The following STRBP variants were observed in gnomAD, a reference collection of about 807,000 sequenced individuals.
STRBP encodes spermatid perinuclear RNA-binding protein.
A neutral mutation model predicts 80.1 loss-of-function variants in STRBP; 13 were observed. That is an observed-to-expected ratio of 0.16 (90% CI 0.11 to 0.26). STRBP has a LOEUF of 0.26. Among genes scored for constraint, STRBP ranks in the 10% least tolerant of loss-of-function variants. STRBP has a pLI of 1.00. For synonymous variants in STRBP, 284 were observed against 291.2 expected (o/e 0.98, Z 0.25); for missense variants, 485 against 815.2 (o/e 0.59, Z 4.93).
chr9:123,220,715 G>A (rs2132554109), intron 2 of STRBP, among the ~76,000 whole-genome samples: 1 of 152,236 alleles, frequency 6.6e-6, no homozygotes, highest in Non-Finnish European at 1.5e-5. Flanking sequence ...CCACTAACAG[G>A]ACTGTATAAC....
At chr9:123,259,078 G>A (rs1177094256) in intron 1 of STRBP, among the ~76,000 whole-genome samples, 3 of 150,266 alleles carry the variant, frequency 2.0e-5, no homozygotes, top group African/African-American at 4.9e-5. Flanking sequence ...AAAAAAAAGG[G>A]GGGGGGATTA....
chr9:123,263,603 C>G (rs901016544), intron 1 of STRBP, among the ~76,000 whole-genome samples: 4 of 151,376 alleles, frequency 2.6e-5, no homozygotes, highest in Non-Finnish European at 5.9e-5. Context: ...CTGGAAGGCT[C>G]TTTACAACTT....
At chr9:123,258,982 G>A (rs751997660) in intron 1 of STRBP, among the ~76,000 whole-genome samples, 5 of 146,704 alleles carry the variant, frequency 3.4e-5, no homozygotes, top group Admixed American at 1.4e-4. Flanking sequence ...GTTTTGACCA[G>A]AGAAGACAAA....
chr9:123,199,079 G>A, intron 2 of STRBP, among the ~76,000 whole-genome samples: 1 of 152,158 alleles, frequency 6.6e-6, no homozygotes, highest in Non-Finnish European at 1.5e-5. Context: ...CGAGTAGCTG[G>A]GACTACAGGC....
chr9:123,187,953 TAC>T (rs35743314), intron 2 of STRBP, among the ~76,000 whole-genome samples: 45,949 of 151,808 alleles, frequency 0.3, 10,119 homozygotes, highest in East Asian at 0.7. Flanking sequence ...CATTCACCAT[TAC>T]AGTATCATAC....
chr9:123,136,293 C>A lies in STRBP; in HGVS notation c.1632+88G>T. ...CAAAAATCAAATAGTGCCACAAGAA[C>A]TGACTCAGTCTAAAACTTTACATTA... On this transcript the variant is annotated intron_variant, in intron 15 of 18. Transcript: ENST00000348403. This position sits in a 1 kb window ranked among gnomAD's most constrained non-coding sequence, Gnocchi z 4.2. The A allele has an allele frequency of 6.3e-7, 1 of 1,595,912 alleles. No homozygotes were observed.
Position 123,122,890 on chromosome 9 carries a change from G to C in STRBP, c.*2707C>G. The stretch of plus-strand genomic sequence containing the variant: ...TGTAAACTCCCTGACAAGAAACTAT[G>C]CTAAAAAGGGGTTAAGTACAGATAT... On this transcript the variant is annotated 3_prime_UTR_variant, in exon 19 of 19. Coordinates refer to ENST00000348403, the MANE Select transcript of STRBP (RefSeq NM_018387.5). 1.2e-5 allele frequency: 12 copies of C among 985,524 alleles called. No homozygotes were observed. Among genetic ancestry groups the C allele is most frequent in the Non-Finnish European group, 1.4e-5 (12 of 829,996 alleles). 61.0% of individuals were successfully genotyped at this position (985,524 alleles called of 1,614,324 possible). A position where few individuals can be genotyped will look rare whatever the true frequency, so the allele number is the denominator to read the frequency against.
At chr9:123,175,530 A>C (rs992757465) in intron 4 of STRBP, among the ~76,000 whole-genome samples, 2 of 152,208 alleles carry the variant, frequency 1.3e-5, no homozygotes, top group African/African-American at 2.4e-5. Context: ...ATCAATGAAA[A>C]ATGTTAAAGG....
chr9:123,123,423 AC>A lies in STRBP; in HGVS notation c.*2173del. ...TGAACTTGCATGGTTACCACTTCTA[AC>A]AAAGGACTGACAGCTCGATTATTTT... On this transcript the variant is annotated 3_prime_UTR_variant, in exon 19 of 19. Transcript: ENST00000348403. The A allele has an allele frequency of 1.0e-6, 1 of 985,420 alleles. No homozygotes were observed. Among genetic ancestry groups the A allele is most frequent in the Non-Finnish European group, 1.2e-6 (1 of 829,934 alleles). The allele number at this position is 985,420 out of a possible 1,614,324, so 61.0% of individuals were successfully genotyped here. A position where few individuals can be genotyped will look rare whatever the true frequency, so the allele number is the denominator to read the frequency against.
intron 2 of STRBP, among the ~76,000 whole-genome samples, chr9:123,220,452 ATG>A (rs2132553546): frequency 6.6e-6 from 1 of 152,380 alleles, no homozygotes; most frequent in Admixed American, 6.5e-5. Flanking sequence ...CAGTAAAAAT[ATG>A]ATATAATCTC....
intron 2 of STRBP, among the ~76,000 whole-genome samples, chr9:123,233,702 TACATCTGC>T (rs2132585703): frequency 1.3e-5 from 2 of 152,346 alleles, no homozygotes; most frequent in South Asian, 4.1e-4. Flanking sequence ...GTAACAGCAA[TACATCTGC>T]ATTGATTTAC....
At chr9:123,239,511 T>C (rs971876374) in intron 1 of STRBP, among the ~76,000 whole-genome samples, 20 of 152,202 alleles carry the variant, frequency 1.3e-4, no homozygotes, top group Non-Finnish European at 2.9e-5. Context: ...CTGACCTCAT[T>C]TGTACCTGAT....
intron 4 of STRBP, among the ~76,000 whole-genome samples, chr9:123,174,705 A>C (rs563611125): frequency 6.6e-6 from 1 of 152,288 alleles, no homozygotes; most frequent in Admixed American, 6.5e-5. Context: ...AAAAGTATAG[A>C]GCTAAGGAAG....
chr9:123,204,588 A>T (rs1392251715), intron 2 of STRBP, among the ~76,000 whole-genome samples: 1 of 152,206 alleles, frequency 6.6e-6, no homozygotes, highest in Non-Finnish European at 1.5e-5. Flanking sequence ...AATTCTGACT[A>T]AAAGGAAAAA....
intron 11 of STRBP, among the ~76,000 whole-genome samples, chr9:123,148,426 A>C (rs1333162555): frequency 1.3e-5 from 2 of 152,216 alleles, no homozygotes; most frequent in African/African-American, 4.8e-5. Flanking sequence ...TACCCAGTCT[A>C]AGGTATTTTG....
intron 2 of STRBP, among the ~76,000 whole-genome samples, chr9:123,220,937 T>A (rs1428079208): frequency 6.6e-6 from 1 of 152,052 alleles, no homozygotes; most frequent in Non-Finnish European, 1.5e-5. Flanking sequence ...ATTATTTCCA[T>A]GACATCACGT....
chr9:123,228,116 G>A (rs1006720872), intron 2 of STRBP, among the ~76,000 whole-genome samples: 12 of 152,144 alleles, frequency 7.9e-5, no homozygotes, highest in East Asian at 1.9e-4. Context: ...TAACTCCATC[G>A]GTTTTGGCCT....
chr9:123,165,502 G>A (rs1005195125), intron 6 of STRBP, among the ~76,000 whole-genome samples: 1 of 152,114 alleles, frequency 6.6e-6, no homozygotes, highest in Admixed American at 6.5e-5. Flanking sequence ...GACAGTCCCT[G>A]AAAATCCACC....
At chr9:123,127,648 T>C (rs2035949052) in intron 18 of STRBP, among the ~76,000 whole-genome samples, 1 of 152,220 alleles carries the variant, frequency 6.6e-6, no homozygotes, top group Non-Finnish European at 1.5e-5. Flanking sequence ...TATTCTAGCA[T>C]GTACTACAGA....
Sources: gnomAD v4.1 joint callset for allele counts (sites outside exome capture counted in the v4.1 genomes callset) on GRCh38, gnomAD v4.1.1 for gene constraint, Gnocchi (gnomAD v3.1) non-coding constraint, MANE v1.5 for transcripts, NCBI Gene and HGNC (gene_info 2026-07-23, HGNC 2026-07-21) for gene names.